The following PAK2 variants were observed in gnomAD, a reference collection of about 807,000 sequenced individuals.
PAK2 encodes p21 (RAC1) activated kinase 2, also known as serine/threonine-protein kinase PAK 2.
In PAK2, 21 loss-of-function variants were observed where a neutral mutation model predicts 65.9. That is an observed-to-expected ratio of 0.32 (90% CI 0.23 to 0.46). The LOEUF is 0.46. Ranked by LOEUF, PAK2 falls within the 20% of genes least tolerant of loss-of-function variation. PAK2 has a pLI of 1.00. For synonymous variants in PAK2, 204 were observed against 219.7 expected (o/e 0.93, Z 0.63); for missense variants, 324 against 642.6 (o/e 0.50, Z 5.36).
intron 1 of PAK2, among the ~76,000 whole-genome samples, chr3:196,779,816 G>C (rs879898440): frequency 6.6e-6 from 1 of 152,114 alleles, no homozygotes; most frequent in African/African-American, 2.4e-5. Context: ...GACTACAGGC[G>C]TGCGCCACCA....
intron 10 of PAK2, among the ~76,000 whole-genome samples, 197 bp downstream of exon 10, chr3:196,813,048 G>A (rs1715878953): frequency 6.6e-6 from 1 of 152,130 alleles, no homozygotes; most frequent in African/African-American, 2.4e-5. Flanking sequence ...TGGCAGGTGA[G>A]AGAAGGCAGT....
intron 5 of PAK2, 65 bp downstream of exon 5, chr3:196,805,448 G>T: frequency 1.3e-6 from 1 of 790,656 alleles, no homozygotes; most frequent in Non-Finnish European, 2.0e-6. Flanking sequence ...ACAAATCTCA[G>T]TTTTTATTTT....
intron 13 of PAK2, among the ~76,000 whole-genome samples, chr3:196,823,543 GCAAACAAA>G (rs200749102): frequency 6.6e-5 from 10 of 151,510 alleles, no homozygotes; most frequent in Non-Finnish European, 1.0e-4. Flanking sequence ...CTGGATCCCC[GCAAACAAA>G]CAAACAAACA....
chr3:196,816,387 TAAC>T (rs1187260081), intron 11 of PAK2, among the ~76,000 whole-genome samples: 3 of 152,188 alleles, frequency 2.0e-5, no homozygotes, highest in African/African-American at 2.4e-5. Flanking sequence ...TGATAGTCCT[TAAC>T]AATGCATGCT....
At chr3:196,759,753 C>T (rs1402450136) in intron 1 of PAK2, among the ~76,000 whole-genome samples, 1 of 152,060 alleles carries the variant, frequency 6.6e-6, no homozygotes, top group South Asian at 2.1e-4. Flanking sequence ...TCTTGAACTC[C>T]TGAGCTCGTG....
chr3:196,752,833 C>G (rs990291685), intron 1 of PAK2, among the ~76,000 whole-genome samples: 2 of 151,434 alleles, frequency 1.3e-5, no homozygotes, highest in African/African-American at 4.9e-5. Flanking sequence ...CTCAAGTGAT[C>G]CGTCTGCCTT....
intron 1 of PAK2, among the ~76,000 whole-genome samples, chr3:196,763,446 G>A (rs1290936058): frequency 6.6e-6 from 1 of 152,112 alleles, no homozygotes; most frequent in African/African-American, 2.4e-5. Flanking sequence ...ACAAAGCTTA[G>A]CATCGTGTCC....
chr3:196,812,291 G>T lies in PAK2; in HGVS notation c.822+24G>T, dbSNP rs376715953. ...AGGTAGTTACTTTGTTGTAATCCTG[G>T]GTGTTACCATTATTTTGTCATATAG... On this transcript the variant is annotated intron_variant, in intron 9 of 14. Transcript: ENST00000327134. 4 of 1,430,292 alleles carry T rather than the reference G, an allele frequency of 2.8e-6. No individual in the cohort carries two copies. The African/African-American group carries it at 5.6e-5, about 20-fold the overall frequency. The allele number at this position is 1,430,292 out of a possible 1,614,324, so 88.6% of individuals were successfully genotyped here.
At position 196,766,931 on chromosome 3, in the gene PAK2, C is replaced by CGTGTGTGTGTGTGT. The variant is rs60929724; in HGVS notation, c.-21-15664_-21-15651dup. Reference sequence around the variant, plus strand: ...AAAAAAAATAGAAACAAGTACACCCCGTGTGTGTGTGTGTGTGTGTGTGTG... The same window carrying CGTGTGTGTGTGTGT: ...AAAAAAAATAGAAACAAGTACACCCCGTGTGTGTGTGTGTGTGTGTGTGTGTGTGTGTGTGTGTG... On this transcript the variant is annotated intron_variant, in intron 1 of 14. Transcript: ENST00000327134. Among the ~76,000 whole-genome samples the CGTGTGTGTGTGTGT allele has an allele frequency of 1.5e-3, 203 of 134,398 alleles. 1 individual carries two copies. Among genetic ancestry groups the CGTGTGTGTGTGTGT allele is most frequent in the African/African-American group, 5.0e-3 (182 of 36,740 alleles). 88.2% of individuals were successfully genotyped at this position (134,398 alleles called of 152,430 possible).
chr3:196,776,024 G>A (rs1158618820), intron 1 of PAK2, among the ~76,000 whole-genome samples: 1 of 152,226 alleles, frequency 6.6e-6, no homozygotes, highest in Admixed American at 6.5e-5. Flanking sequence ...TAGGTGAAGG[G>A]TAAAGATGGA....
At chr3:196,804,787 GA>G (rs1482870327) in intron 4 of PAK2, among the ~76,000 whole-genome samples, 1 of 144,038 alleles carries the variant, frequency 6.9e-6, no homozygotes, top group East Asian at 2.1e-4. Flanking sequence ...TGTAATATGT[GA>G]TATGTGTGTG....
chr3:196,771,957 A>C (rs1040102749), intron 1 of PAK2, among the ~76,000 whole-genome samples: 1 of 151,918 alleles, frequency 6.6e-6, no homozygotes, highest in Non-Finnish European at 1.5e-5. Flanking sequence ...TTTTACTTCA[A>C]ATGTTGAGTT....
intron 2 of PAK2, among the ~76,000 whole-genome samples, chr3:196,786,582 G>C (rs1423606358): frequency 6.6e-6 from 1 of 151,954 alleles, no homozygotes; most frequent in Non-Finnish European, 1.5e-5. Context: ...TTAAATCTTT[G>C]AGCTAGCTGG....
rs1047705131 is a variant in PAK2 at position 196,791,199 on chromosome 3, G to A, written c.187+8366G>A. Among the ~76,000 whole-genome samples the A allele has an allele frequency of 3.1e-4, 47 of 152,066 alleles. No individual in the cohort carries two copies. The highest frequency in any genetic ancestry group is 1.1e-3 in the African/African-American group (46 of 41,404). Reference sequence around the variant, plus strand: ...TATAGCAATATCTTTCCAGCACATTGTTCAATTCCAGACATGCTTTAGTAT... The same window carrying A: ...TATAGCAATATCTTTCCAGCACATTATTCAATTCCAGACATGCTTTAGTAT... On this transcript the variant is annotated intron_variant, in intron 2 of 14. Transcript: ENST00000327134. This position sits in a 1 kb window ranked among gnomAD's most constrained non-coding sequence, Gnocchi z 4.0.
chr3:196,828,124 C>T (rs1230676423), intron 14 of PAK2, among the ~76,000 whole-genome samples, 195 bp from the exon 15 acceptor site: 1 of 152,198 alleles, frequency 6.6e-6, no homozygotes, highest in African/African-American at 2.4e-5. Context: ...ATTTGTCAAA[C>T]TAAAATGATT....
At chr3:196,811,310 CTTCCT>C (rs1283669519) in intron 8 of PAK2, among the ~76,000 whole-genome samples, 3 of 26,176 alleles carry the variant, frequency 1.1e-4, no homozygotes, top group African/African-American at 1.7e-4. Flanking sequence ...CCTTCCTTCC[CTTCCT>C]TTCCTTCCTT....
rs922657963 is a variant in PAK2, at chr3:196,794,439, C to T, written c.188-7488C>T. Among the ~76,000 whole-genome samples, 5 of 152,196 alleles carry T rather than the reference C, an allele frequency of 3.3e-5. No individual in the cohort carries two copies. The East Asian group carries it at 7.7e-4, about 24-fold the overall frequency. On this transcript the variant is annotated intron_variant, in intron 2 of 14. Coordinates refer to ENST00000327134, the MANE Select transcript of PAK2 (RefSeq NM_002577.4). ...AGAACTCCAGGCATGCTGTAAGAAT[C>T]GGACTTCCGTATCTGCAACACCCGT...
At chr3:196,758,443 C>T (rs1055862811) in intron 1 of PAK2, among the ~76,000 whole-genome samples, 4 of 152,158 alleles carry the variant, frequency 2.6e-5, no homozygotes, top group South Asian at 2.1e-4. Context: ...GTCCCGTGTC[C>T]GGGGAGGTCA....
intron 2 of PAK2, among the ~76,000 whole-genome samples, chr3:196,789,524 G>A (rs986139754): frequency 8.6e-5 from 13 of 151,224 alleles, no homozygotes; most frequent in African/African-American, 2.7e-4. Context: ...ATGCAATGGC[G>A]TGGTCTCAGC....
Sources: allele counts gnomAD v4.1 joint callset (sites outside exome capture counted in the v4.1 genomes callset), GRCh38; gene constraint gnomAD v4.1.1; non-coding constraint Gnocchi (gnomAD v3.1); transcripts MANE v1.5; gene names NCBI Gene and HGNC (gene_info 2026-07-23, HGNC 2026-07-21).